NRXN3: variants seen among roughly 807,000 people sequenced by gnomAD.
The protein encoded by NRXN3 is neurexin III.
A neutral mutation model predicts 137.6 loss-of-function variants in NRXN3; 32 were observed. The ratio of observed to expected loss-of-function variants is 0.23; its 90% CI spans 0.18 to 0.31. The LOEUF (loss-of-function observed/expected upper bound fraction) is 0.31, where lower values mean the gene tolerates loss of function less well. Among genes scored for constraint, NRXN3 ranks in the 10% least tolerant of loss-of-function variants. The probability of loss-of-function intolerance (pLI) is 1.00; values close to 1 mark genes in which losing one functional copy is unlikely to be tolerated. For synonymous variants in NRXN3, 798 were observed against 784.5 expected (o/e 1.02, Z -0.29); for missense variants, 1,574 against 2,062.5 (o/e 0.76, Z 4.59).
At chr14:79,353,711 T>C (rs1178205845) in intron 15 of NRXN3, among the ~76,000 whole-genome samples, 1 of 152,170 alleles carries the variant, frequency 6.6e-6, no homozygotes, top group Non-Finnish European at 1.5e-5. Flanking sequence ...GCATACATTT[T>C]CTCATTTAAC....
chr14:79,726,027 A>C (rs1040632156), intron 19 of NRXN3, among the ~76,000 whole-genome samples: 4 of 152,146 alleles, frequency 2.6e-5, no homozygotes, highest in African/African-American at 9.7e-5. Context: ...GTGAAATCAG[A>C]CACATTTTGG....
intron 14 of NRXN3, among the ~76,000 whole-genome samples, chr14:78,975,982 T>G (rs2099464466): frequency 6.6e-6 from 1 of 152,182 alleles, no homozygotes; most frequent in Admixed American, 6.5e-5. Flanking sequence ...TGCTGAGCAG[T>G]GCAGTCTTTG....
At chr14:78,653,383 A>G (rs928810920) in intron 6 of NRXN3, among the ~76,000 whole-genome samples, 3 of 152,196 alleles carry the variant, frequency 2.0e-5, no homozygotes, top group Non-Finnish European at 2.9e-5. Flanking sequence ...AGACTGCAAC[A>G]TTCTTGTTAC....
chr14:78,880,447 T>C (rs2099125914), intron 10 of NRXN3, among the ~76,000 whole-genome samples: 1 of 151,858 alleles, frequency 6.6e-6, no homozygotes, highest in African/African-American at 2.4e-5. Context: ...CCCAATAGGA[T>C]CTGAAAAGTT....
intron 10 of NRXN3, among the ~76,000 whole-genome samples, chr14:78,892,836 C>T (rs1050989617): frequency 2.7e-5 from 4 of 149,628 alleles, no homozygotes; most frequent in African/African-American, 4.9e-5. Flanking sequence ...AGGAGTCACA[C>T]GGCTGCTTTT....
chr14:78,323,239 G>A (rs115935049), intron 4 of NRXN3, among the ~76,000 whole-genome samples: 2,037 of 152,086 alleles, frequency 0.013, 66 homozygotes, highest in African/African-American at 0.046. Context: ...ATGAGGTACC[G>A]TGGTATGGGC....
At chr14:78,246,822 TGTG>T (rs2067758269) in intron 2 of NRXN3, among the ~76,000 whole-genome samples, 1 of 152,166 alleles carries the variant, frequency 6.6e-6, no homozygotes, top group Non-Finnish European at 1.5e-5. Flanking sequence ...CCAAAGATAA[TGTG>T]GTGAAGTGGG....
intron 2 of NRXN3, among the ~76,000 whole-genome samples, chr14:78,262,819 A>G (rs1329063277): frequency 6.6e-6 from 1 of 152,204 alleles, no homozygotes; most frequent in Non-Finnish European, 1.5e-5. Flanking sequence ...TTGATGGGCC[A>G]TTCTTCCTTG....
chr14:78,538,716 T>C (rs1221700963), intron 4 of NRXN3, among the ~76,000 whole-genome samples: 1 of 152,178 alleles, frequency 6.6e-6, no homozygotes, highest in African/African-American at 2.4e-5. Flanking sequence ...ATGCTTCCAG[T>C]TTTTGCCCAT....
intron 15 of NRXN3, among the ~76,000 whole-genome samples, chr14:79,178,117 C>G (rs368666151): frequency 6.6e-6 from 1 of 152,236 alleles, no homozygotes; most frequent in East Asian, 1.9e-4. Flanking sequence ...TGGAGCTAGC[C>G]CAGATGGCTG....
chr14:78,927,561 A>G (rs2099309361), intron 10 of NRXN3, among the ~76,000 whole-genome samples: 1 of 152,084 alleles, frequency 6.6e-6, no homozygotes, highest in Non-Finnish European at 1.5e-5. Context: ...TACTTCATAC[A>G]GTGTTGAGAG....
At chr14:78,862,245 AAGATAGAT>A (rs11374020) in intron 10 of NRXN3, among the ~76,000 whole-genome samples, 34 of 96,306 alleles carry the variant, frequency 3.5e-4, no homozygotes, top group Non-Finnish European at 5.2e-4. Context: ...ATAAATAGCA[AAGATAGAT>A]AGATAGATAG....
intron 15 of NRXN3, among the ~76,000 whole-genome samples, chr14:79,046,231 G>T (rs2099632967): frequency 6.6e-6 from 1 of 151,670 alleles, no homozygotes; most frequent in African/African-American, 2.4e-5. Flanking sequence ...TTCTAGATCT[G>T]ACAGTAGTAG....
intron 4 of NRXN3, among the ~76,000 whole-genome samples, chr14:78,348,422 G>A (rs960808664): frequency 2.0e-5 from 3 of 152,210 alleles, no homozygotes; most frequent in African/African-American, 2.4e-5. Flanking sequence ...ATTCCAAGAT[G>A]TGGAAATGCC....
At chr14:79,352,742 A>G (rs1263721913) in intron 15 of NRXN3, among the ~76,000 whole-genome samples, 4 of 152,146 alleles carry the variant, frequency 2.6e-5, no homozygotes, top group African/African-American at 4.8e-5. Flanking sequence ...AGTGCTCTGC[A>G]TAGATGTAAA....
At chr14:79,841,684 G>T (rs1272827978) in intron 20 of NRXN3, among the ~76,000 whole-genome samples, 6 of 152,106 alleles carry the variant, frequency 3.9e-5, no homozygotes, top group Non-Finnish European at 8.8e-5. Context: ...GAAAATCAAT[G>T]TTTGGCAGCT....
At chr14:78,460,624 T>C (rs560528648) in intron 4 of NRXN3, among the ~76,000 whole-genome samples, 2 of 152,232 alleles carry the variant, frequency 1.3e-5, no homozygotes, top group South Asian at 4.2e-4. Flanking sequence ...GGGGCTACTT[T>C]CTCGTCAGGA....
intron 15 of NRXN3, among the ~76,000 whole-genome samples, chr14:79,072,801 G>A (rs1180068380): frequency 1.3e-5 from 2 of 151,824 alleles, no homozygotes; most frequent in Non-Finnish European, 2.9e-5. Flanking sequence ...ATATGACTAA[G>A]ATGATCATCC....
At chr14:79,706,213 T>C (rs2098778235) in intron 19 of NRXN3, among the ~76,000 whole-genome samples, 1 of 152,184 alleles carries the variant, frequency 6.6e-6, no homozygotes, top group African/African-American at 2.4e-5. Context: ...TCCAGTCTTG[T>C]TGCTCAGCCA....
Sources: gnomAD v4.1 joint callset for allele counts (sites outside exome capture counted in the v4.1 genomes callset) on GRCh38, gnomAD v4.1.1 for gene constraint, MANE v1.5 for transcripts, NCBI Gene and HGNC (gene_info 2026-07-23, HGNC 2026-07-21) for gene names.